Variants in CADM2 observed in about 807,000 individuals in gnomAD.
CADM2 encodes the protein immunoglobulin superfamily member 4D.
Under a neutral mutation model 49.8 loss-of-function variants are expected in CADM2, and 12 were observed. The observed-to-expected ratio is 0.24, with a 90% CI of 0.15 to 0.39. The LOEUF is 0.39. Ranked by LOEUF, CADM2 falls within the 10% of genes least tolerant of loss-of-function variation. The pLI is 1.00. For synonymous variants in CADM2, 214 were observed against 175.4 expected, an observed-to-expected ratio of 1.22 and a Z score of -1.74; for missense variants, 378 against 492.3, an observed-to-expected ratio of 0.77 and a Z score of 2.20.
At chr3:85,072,448 G>T (rs11127875) in intron 1 of CADM2, among the ~76,000 whole-genome samples, 11,433 of 152,068 alleles carry the variant, frequency 0.075, 497 homozygotes, top group East Asian at 0.15. Context: ...TTCAATTAGG[G>T]TGTAAAACCT....
chr3:85,333,877 T>A (rs528473697), intron 1 of CADM2, among the ~76,000 whole-genome samples: 68 of 151,892 alleles, frequency 4.5e-4, no homozygotes, highest in African/African-American at 1.5e-3. Flanking sequence ...AGGGACTCCA[T>A]GTAATTCTGG....
intron 1 of CADM2, among the ~76,000 whole-genome samples, chr3:85,673,280 T>C (rs915989715): frequency 1.3e-5 from 2 of 152,164 alleles, no homozygotes; most frequent in East Asian, 3.9e-4. Context: ...AAATTCACTC[T>C]ATGAGCCAAC....
intron 1 of CADM2, among the ~76,000 whole-genome samples, chr3:85,224,483 C>T (rs924853233): frequency 1.3e-5 from 2 of 152,056 alleles, no homozygotes; most frequent in Non-Finnish European, 2.9e-5. Context: ...TTAAGTTCTT[C>T]GTAGAGTCTG....
At chr3:85,726,352 CACT>C (rs2067695149) in intron 1 of CADM2, 167 bp from the exon 2 acceptor site, 3 of 687,566 alleles carry the variant, frequency 4.4e-6, no homozygotes. Context: ...TTACTCATAA[CACT>C]AACTAAATGT....
chr3:85,373,163 C>T (rs1045580364), intron 1 of CADM2, among the ~76,000 whole-genome samples: 2 of 152,060 alleles, frequency 1.3e-5, no homozygotes, highest in Non-Finnish European at 2.9e-5. Flanking sequence ...AACTAATGAG[C>T]GTGTAAAATC....
At chr3:85,346,875 A>G (rs569882531) in intron 1 of CADM2, among the ~76,000 whole-genome samples, 20 of 152,322 alleles carry the variant, frequency 1.3e-4, no homozygotes, top group Non-Finnish European at 2.6e-4. Flanking sequence ...CACTGTTTAT[A>G]CTGCGTATGC....
chr3:85,080,121 G>T (rs1423485819), intron 1 of CADM2, among the ~76,000 whole-genome samples: 1 of 151,892 alleles, frequency 6.6e-6, no homozygotes, highest in Non-Finnish European at 1.5e-5. Flanking sequence ...CTGAAAATGG[G>T]ATATGAACTC....
chr3:85,406,365 T>A (rs1485116465), intron 1 of CADM2, among the ~76,000 whole-genome samples: 1 of 152,138 alleles, frequency 6.6e-6, no homozygotes, highest in African/African-American at 2.4e-5. Context: ...TTGAAAAAAA[T>A]TCTATAAAAT....
intron 2 of CADM2, among the ~76,000 whole-genome samples, chr3:85,799,629 C>T (rs61678625): frequency 0.054 from 8,260 of 152,154 alleles, 641 homozygotes; most frequent in African/African-American, 0.17. Context: ...ATGACTTGAT[C>T]GTGGTGGATA....
intron 1 of CADM2, among the ~76,000 whole-genome samples, chr3:85,237,602 C>T (rs920001206): frequency 1.1e-4 from 16 of 151,290 alleles, no homozygotes; most frequent in African/African-American, 3.6e-4. Context: ...AAAGCAAACA[C>T]TGAATTATGT....
chr3:85,178,046 C>G (rs1181454326), intron 1 of CADM2, among the ~76,000 whole-genome samples: 1 of 151,844 alleles, frequency 6.6e-6, no homozygotes, highest in Non-Finnish European at 1.5e-5. Flanking sequence ...ATTTTCTGTA[C>G]TACTGTTCTG....
rs1345981114 is a variant in CADM2, at chr3:85,090,656, C to T, written c.61+130988C>T. On this transcript the variant is annotated intron_variant, in intron 1 of 9. Transcript: ENST00000383699. The stretch of plus-strand genomic sequence containing the variant: ...GGCTGTGGACCTTACCGGTCAGTGG[C>T]CTGTTAGGAACTGGCTGCACATAGG... 2.6e-5 allele frequency among the ~76,000 whole-genome samples: 4 copies of T among 152,142 alleles called. No homozygotes were observed. The East Asian group carries it at 7.7e-4, about 29-fold the overall frequency.
chr3:86,065,898 A>G (rs1739254862), intron 9 of CADM2, among the ~76,000 whole-genome samples, 168 bp downstream of exon 9: 1 of 152,208 alleles, frequency 6.6e-6, no homozygotes, highest in South Asian at 2.1e-4. Context: ...ACTTAAATTT[A>G]AAGTTGGATT....
intron 1 of CADM2, among the ~76,000 whole-genome samples, chr3:84,988,332 T>C (rs2032699928): frequency 6.6e-6 from 1 of 152,272 alleles, no homozygotes; most frequent in Non-Finnish European, 1.5e-5. Context: ...CTTCTGTGAC[T>C]TTGGCCTTAG....
chr3:85,435,507 T>C (rs2036884654), intron 1 of CADM2, among the ~76,000 whole-genome samples: 1 of 152,174 alleles, frequency 6.6e-6, no homozygotes, highest in African/African-American at 2.4e-5. Flanking sequence ...AGTAGAATGA[T>C]TTATAATCCT....
At chr3:85,058,592 G>A (rs1358568757) in intron 1 of CADM2, among the ~76,000 whole-genome samples, 1 of 151,978 alleles carries the variant, frequency 6.6e-6, no homozygotes, top group Non-Finnish European at 1.5e-5. Context: ...TTGCAGGCAT[G>A]AGCCACCACA....
chr3:85,291,681 G>C (rs199697457), intron 1 of CADM2, among the ~76,000 whole-genome samples: 25,442 of 139,748 alleles, frequency 0.18, 3,788 homozygotes, highest in African/African-American at 0.4. Context: ...TCATATCCAG[G>C]CAAACTAAGC....
At chr3:85,320,250 A>T (rs2044565925) in intron 1 of CADM2, among the ~76,000 whole-genome samples, 1 of 152,222 alleles carries the variant, frequency 6.6e-6, no homozygotes, top group Non-Finnish European at 1.5e-5. Context: ...CCCTGATGTC[A>T]ACAGTACCTC....
chr3:85,506,152 A>G (rs571568136), intron 1 of CADM2, among the ~76,000 whole-genome samples: 40 of 152,260 alleles, frequency 2.6e-4, no homozygotes, highest in African/African-American at 6.0e-4. Flanking sequence ...TTTGGTGCCT[A>G]TTGTTTTGTG....
Sources: gnomAD v4.1 joint callset for allele counts (sites outside exome capture counted in the v4.1 genomes callset) on GRCh38, gnomAD v4.1.1 for gene constraint, MANE v1.5 for transcripts, NCBI Gene and HGNC (gene_info 2026-07-23, HGNC 2026-07-21) for gene names.